Variants in PNCK observed in about 807,000 individuals in gnomAD.
PNCK encodes the protein pregnancy up-regulated nonubiquitous CaM kinase.
PNCK carries 21 observed loss-of-function variants against 28.3 expected under a neutral mutation model. The observed-to-expected ratio is 0.74, with a 90% confidence interval of 0.53 to 1.07. PNCK has a LOEUF of 1.07. Ranked by LOEUF, PNCK falls within the 50% of genes least tolerant of loss-of-function variation. The pLI, the probability that PNCK is intolerant of heterozygous loss-of-function variation, is 0.00. For missense variants in PNCK, 250 were observed against 298.3 expected, an observed-to-expected ratio of 0.84 and a Z score of 1.19; for synonymous variants, 136 against 125.2, an observed-to-expected ratio of 1.09 and a Z score of -0.58.
chrX:153,681,656 G>A lies in PNCK; in HGVS notation c.-3+5775C>T, dbSNP rs184913968. On this transcript the variant is annotated intron_variant, in intron 1 of 3. Transcript: ENST00000419804. Reference sequence around the variant, plus strand: ...GACAGAAAAAGGACATTAGGGAAAAGCCAAGAAAACCTGAATAAACTATGG... The same window carrying A: ...GACAGAAAAAGGACATTAGGGAAAAACCAAGAAAACCTGAATAAACTATGG... Among the ~76,000 whole-genome samples the A allele has an allele frequency of 5.0e-3, 563 of 111,962 alleles. 4 individuals are homozygous for A. The highest frequency in any genetic ancestry group is 8.3e-3 in the Non-Finnish European group (442 of 53,161).
upstream of PNCK, among the ~76,000 whole-genome samples, chrX:153,676,525 G>A (rs144371428): frequency 1.5e-4 from 17 of 111,732 alleles, no homozygotes; most frequent in East Asian, 4.2e-3. Context: ...AACTGCTGGC[G>A]AGTGTACCCT....
At chrX:153,673,849 G>A, upstream of PNCK, 1 of 759,235 alleles carries the variant, frequency 1.3e-6, no homozygotes, top group African/African-American at 2.3e-5. Context: ...GCGCCCCGCC[G>A]GCCCCGCCCC....
At chrX:153,673,295 C>G (rs201493480) in intron 1 of PNCK, 1 of 1,182,845 alleles carries the variant, frequency 8.5e-7, no homozygotes, top group Non-Finnish European at 1.1e-6. Flanking sequence ...TGCTATCCCA[C>G]GCACCCTCCC....
In PNCK at chrX:153,672,128, T is replaced by C. The variant is rs781956497; in HGVS notation, c.273A>G (p.Glu91=). The change falls in exon 4 of 12, where the codon GAA becomes GAG. Residue 91 remains glutamate (E), a splice_region_variant and synonymous_variant. Coordinates refer to ENST00000340888, the MANE Select transcript of PNCK (RefSeq NM_001366977.1). ...ESPSHLYLAM[E]LVTGGELFDR... ...CAGCCTGCCCAGGCCCTCCTCACAG[T>C]TCCATGGCCAGGTAGAGGTGGGAAG... 7 of 1,202,754 alleles carry C rather than the reference T, an allele frequency of 5.8e-6. No homozygotes were observed. Among genetic ancestry groups the C allele is most frequent in the Non-Finnish European group, 7.9e-6 (7 of 890,598 alleles).
chrX:153,672,540 G>A (rs782060999), intron 3 of PNCK, 26 bp downstream of exon 3: 31 of 1,196,909 alleles, frequency 2.6e-5, no homozygotes, highest in Middle Eastern at 2.6e-4. Context: ...CCTATGCCCC[G>A]TCCCAGGGCC....
Position 153,669,740 on chromosome X carries a change from A to G in PNCK, c.*398T>C. ...CAGGTCACCACTGGCCCATTGCTGTATCTTTCTTTATTGGTTTGGGGAAAA... is the reference window on the plus strand; with the variant it reads ...CAGGTCACCACTGGCCCATTGCTGTGTCTTTCTTTATTGGTTTGGGGAAAA... On this transcript the variant is annotated 3_prime_UTR_variant, in exon 12 of 12. Coordinates refer to ENST00000340888, the MANE Select transcript of PNCK (RefSeq NM_001366977.1). 2.9e-6 allele frequency: 1 copy of G among 342,156 alleles called. No homozygotes were observed. Among genetic ancestry groups the G allele is most frequent in the Non-Finnish European group, 5.9e-6 (1 of 169,992 alleles). The allele number at this position is 342,156 out of a possible 1,213,427, so 28.2% of individuals were successfully genotyped here. A position where few individuals can be genotyped will look rare whatever the true frequency, so the allele number is the denominator to read the frequency against.
chrX:153,683,609 C>T (rs1405414526), intron 1 of PNCK, among the ~76,000 whole-genome samples: 1 of 110,848 alleles, frequency 9.0e-6, no homozygotes, highest in Non-Finnish European at 1.9e-5. Flanking sequence ...GGCCAGGCTG[C>T]TCTTGAACTC....
chrX:153,684,968 C>A (rs1490225670), intron 1 of PNCK, among the ~76,000 whole-genome samples: 1 of 104,109 alleles, frequency 9.6e-6, no homozygotes, highest in Non-Finnish European at 2.0e-5. Flanking sequence ...CGCCCCTCCC[C>A]GGTCGCCTCT....
At chrX:153,673,252 C>A in intron 1 of PNCK, 174 bp from the exon 2 acceptor site, 1 of 1,199,839 alleles carries the variant, frequency 8.3e-7, no homozygotes, top group Non-Finnish European at 1.1e-6. Flanking sequence ...GCGAGGCCAC[C>A]GCATACACGC....
intron 1 of PNCK, among the ~76,000 whole-genome samples, chrX:153,684,813 C>T (rs1260126070): frequency 1.2e-5 from 1 of 84,900 alleles, no homozygotes; most frequent in Non-Finnish European, 2.3e-5. Context: ...TCCGGCTAGC[C>T]CCCCTCCCCT....
At chrX:153,682,434 C>G (rs886535023) in intron 1 of PNCK, among the ~76,000 whole-genome samples, 2 of 111,265 alleles carry the variant, frequency 1.8e-5, no homozygotes, top group African/African-American at 6.5e-5. Flanking sequence ...TGCGTGTCAC[C>G]GCCCCAGCTA....
chrX:153,683,089 T>C (rs2091402198), intron 1 of PNCK, among the ~76,000 whole-genome samples: 1 of 112,272 alleles, frequency 8.9e-6, no homozygotes, highest in Admixed American at 9.4e-5. Context: ...ACTGGAGTTT[T>C]ATTATTACTC....
chrX:153,685,593 G>T (rs1385205388), intron 1 of PNCK, among the ~76,000 whole-genome samples: 5 of 112,703 alleles, frequency 4.4e-5, no homozygotes, highest in Admixed American at 2.8e-4. Context: ...AGAAAGGGAA[G>T]CCCAGGCTGT....
chrX:153,671,368 C>A lies in PNCK; in HGVS notation c.539-8G>T, dbSNP rs781920254. On this transcript the variant is annotated splice_region_variant and splice_polypyrimidine_tract_variant and intron_variant, in intron 6 of 11. Transcript: ENST00000340888. ...GCTCCAAGAGCTCTGGGGCTGGGGG[C>A]CAGAGACAGACAGACGCACGCACAG... 1.3e-4 allele frequency: 159 copies of A among 1,210,454 alleles called. 1 individual carries two copies. In the South Asian group the frequency reaches 2.7e-3, roughly 20 times the overall value.
At position 153,671,119 on chromosome X, in the gene PNCK, T is replaced by C; in HGVS notation, c.686A>G (p.Tyr229Cys). 8.3e-7 allele frequency: 1 copy of C among 1,211,558 alleles called. No individual in the cohort carries two copies. Among genetic ancestry groups the C allele is most frequent in the Non-Finnish European group, 1.1e-6 (1 of 895,467 alleles). Residue 229 changes from tyrosine (Y) to cysteine (C), a missense_variant, in exon 8 of 12, where the codon TAT (tyrosine) becomes TGT (cysteine). Coordinates refer to ENST00000340888, the MANE Select transcript of PNCK (RefSeq NM_001366977.1). The part of the protein sequence containing the change: ...ELFSQILRAS[Y>C]EFDSPFWDDI... ...ATCCCAGAAAGGAGAGTCAAACTCA[T>C]AGCTGGCCCTCAGGATCTGGCTGAA...
rs111325769 is a variant in PNCK, at chrX:153,670,905, G to T, written c.806+13C>A. The T allele has an allele frequency of 1.7e-6, 2 of 1,212,026 alleles. No homozygotes were observed. Among genetic ancestry groups the T allele is most frequent in the African/African-American group, 1.7e-5 (1 of 57,929 alleles). ...CCCTGGCCCTGGGGCAGCTCAGCAG[G>T]GCTCCCACTCACCAAAGGTGCCGCA... On this transcript the variant is annotated intron_variant, in intron 9 of 11. Coordinates refer to ENST00000340888, the MANE Select transcript of PNCK (RefSeq NM_001366977.1).
At chrX:153,677,744 T>C (rs1435199153), upstream of PNCK, among the ~76,000 whole-genome samples, 1 of 103,575 alleles carries the variant, frequency 9.7e-6, no homozygotes, top group Non-Finnish European at 2.0e-5. Context: ...ATATAGTGTG[T>C]ATATATAGTG....
chrX:153,685,651 A>G (rs1204105924), intron 1 of PNCK, among the ~76,000 whole-genome samples: 1 of 112,703 alleles, frequency 8.9e-6, no homozygotes, highest in East Asian at 2.8e-4. Flanking sequence ...CGAGGCTGGG[A>G]GGGCACAGCC....
rs797043689 is a variant in PNCK at position 153,672,774 on chromosome X, G to C, written c.69-77C>G. 8.2e-6 allele frequency: 9 copies of C among 1,092,229 alleles called. No homozygotes were observed. In the South Asian group the frequency reaches 1.9e-4, roughly 23 times the overall value. The allele number at this position is 1,092,229 out of a possible 1,213,427, so 90.0% of individuals were successfully genotyped here. ...GGCAGGAGGGAGAGAGAGTGGAGCGGGGAGGGCCCCCTGTGAAGGAGATGG... is the reference window on the plus strand; with the variant it reads ...GGCAGGAGGGAGAGAGAGTGGAGCGCGGAGGGCCCCCTGTGAAGGAGATGG... On this transcript the variant is annotated intron_variant, in intron 2 of 11. Coordinates refer to ENST00000340888, the MANE Select transcript of PNCK (RefSeq NM_001366977.1).
Sources: gnomAD v4.1 joint callset for allele counts (sites outside exome capture counted in the v4.1 genomes callset) on GRCh38, gnomAD v4.1.1 for gene constraint, MANE v1.5 for transcripts, NCBI Gene and HGNC (gene_info 2026-07-23, HGNC 2026-07-21) for gene names.